Variants in RIC3 observed in about 807,000 individuals in gnomAD.
The protein encoded by RIC3 is RIC3 acetylcholine receptor chaperone.
In RIC3, 28 loss-of-function variants were observed where a neutral mutation model predicts 27.3. The observed-to-expected ratio is 1.02, with a 90% CI of 0.76 to 1.41. The LOEUF is 1.41. Among genes scored for constraint, RIC3 ranks in the 40% most tolerant of loss-of-function variants. The pLI, the probability that RIC3 is intolerant of heterozygous loss-of-function variation, is 0.00. For missense variants in RIC3, 501 were observed against 444.7 expected, an observed-to-expected ratio of 1.13 and a Z score of -1.14; for synonymous variants, 184 against 160.4, an observed-to-expected ratio of 1.15 and a Z score of -1.11.
At chr11:8,134,358 G>GTA (rs1363326258) in intron 4 of RIC3, among the ~76,000 whole-genome samples, 1 of 152,180 alleles carries the variant, frequency 6.6e-6, no homozygotes, top group African/African-American at 2.4e-5. Flanking sequence ...GTATTCCATG[G>GTA]TATATATGTG....
chr11:8,095,476 C>A, the RIC3 span: 1 of 1,593,922 alleles, frequency 6.3e-7, no homozygotes, highest in Middle Eastern at 2.1e-4. Flanking sequence ...GGATGTAACT[C>A]AGGCGTGTCC....
chr11:8,163,263 C>T (rs957368222), intron 1 of RIC3, among the ~76,000 whole-genome samples: 1 of 152,016 alleles, frequency 6.6e-6, no homozygotes, highest in Non-Finnish European at 1.5e-5. Flanking sequence ...ATGAAAAACA[C>T]TCAGCAAACT....
In RIC3 at chr11:8,169,023, G is replaced by GCCGGGA; in HGVS notation, c.-35_-34insTCCCGG. Reference sequence around the variant, plus strand: ...ACGGTGGTCGCAGGTGCAGACGCCAGCCGGAACCGGAACCGGAACCGGAGC... The same window carrying GCCGGGA: ...ACGGTGGTCGCAGGTGCAGACGCCAGCCGGGACCGGAACCGGAACCGGAACCGGAGC... On this transcript the variant is annotated 5_prime_UTR_variant, in exon 1 of 6. Transcript: ENST00000309737. The GCCGGGA allele has an allele frequency of 6.6e-7, 1 of 1,517,724 alleles. No homozygotes were observed. The highest frequency in any genetic ancestry group is 1.3e-5 in the South Asian group (1 of 79,700). The allele number at this position is 1,517,724 out of a possible 1,614,324, so 94.0% of individuals were successfully genotyped here.
chr11:8,128,167 T>G (rs533350701), intron 4 of RIC3: 3 of 456,978 alleles, frequency 6.6e-6, no homozygotes, highest in Non-Finnish European at 1.3e-5. Flanking sequence ...TTTCTTACTG[T>G]TAAAACAACC....
the RIC3 span, among the ~76,000 whole-genome samples, chr11:8,094,732 C>T: frequency 6.6e-6 from 1 of 152,348 alleles, no homozygotes; most frequent in South Asian, 2.1e-4. Context: ...CAGTGATTGG[C>T]GGTACCTGCC....
In RIC3 at chr11:8,108,807, G is replaced by C. The variant is rs1451473641; in HGVS notation, c.*1891C>G. ...GACTGCTAAATGAATGAATGAGCTA[G>C]AAGAGAACAGCAGTATTTATCTCTA... On this transcript the variant is annotated 3_prime_UTR_variant, in exon 6 of 6. Transcript: ENST00000309737. 1 of 152,224 alleles carries C rather than the reference G, an allele frequency of 6.6e-6. No homozygotes were observed. The highest frequency in any genetic ancestry group is 1.5e-5 in the Non-Finnish European group (1 of 68,042). The allele number at this position is 152,224 out of a possible 1,614,324, so 9.4% of individuals were successfully genotyped here.
At chr11:8,138,987 CT>C (rs1948728248) in intron 2 of RIC3, 1 of 153,660 alleles carries the variant, frequency 6.5e-6, no homozygotes, top group African/African-American at 2.4e-5. Context: ...ACCCTGTCTC[CT>C]TTGTTCGGTG....
At chr11:8,128,619 C>G (rs148430908) in intron 4 of RIC3, among the ~76,000 whole-genome samples, 33 of 152,206 alleles carry the variant, frequency 2.2e-4, no homozygotes, top group East Asian at 2.1e-3. Context: ...GACACAATGC[C>G]ATGATCACTG....
At chr11:8,147,324 A>G (rs1949795117) in intron 1 of RIC3, among the ~76,000 whole-genome samples, 1 of 152,178 alleles carries the variant, frequency 6.6e-6, no homozygotes, top group Non-Finnish European at 1.5e-5. Context: ...TCATGGGCGT[A>G]TGTCCTGAAC....
the RIC3 span, among the ~76,000 whole-genome samples, chr11:8,094,424 TG>T: frequency 6.6e-6 from 1 of 152,152 alleles, no homozygotes; most frequent in Non-Finnish European, 1.5e-5. Flanking sequence ...AGTGAAGTCC[TG>T]CTCAGCTGTG....
chr11:8,101,806 A>T, downstream of RIC3: 130 of 776,946 alleles, frequency 1.7e-4, no homozygotes, highest in Middle Eastern at 9.1e-4. Flanking sequence ...GCAGGGGAGT[A>T]GTGGAGAGCG....
downstream of RIC3, chr11:8,101,474 G>T (rs1454604858): frequency 2.5e-6 from 4 of 1,614,166 alleles, no homozygotes; most frequent in African/African-American, 2.7e-5. Flanking sequence ...CTGTGCCTGT[G>T]CTTGGCCCCA....
At chr11:8,146,639 C>T (rs1009932167) in intron 1 of RIC3, among the ~76,000 whole-genome samples, 1 of 151,632 alleles carries the variant, frequency 6.6e-6, no homozygotes, top group Admixed American at 6.6e-5. Context: ...GGTTAGGGTG[C>T]AGCTTGGTTT....
chr11:8,105,956 C>CCTAGA (rs1405153703), downstream of RIC3: 2 of 152,148 alleles, frequency 1.3e-5, no homozygotes, highest in Non-Finnish European at 2.9e-5. Flanking sequence ...TTTCACAATG[C>CCTAGA]CTAGACTGTG....
chr11:8,137,312 C>T (rs1948535675), intron 4 of RIC3, 66 bp downstream of exon 4: 2 of 1,472,226 alleles, frequency 1.4e-6, no homozygotes, highest in Admixed American at 3.4e-5. Context: ...GCCTCGGCCA[C>T]TGCACCCAGC....
chr11:8,098,712 G>A, the RIC3 span: 2 of 1,426,730 alleles, frequency 1.4e-6, no homozygotes, highest in Non-Finnish European at 2.0e-6. Context: ...TCCCTGCTCT[G>A]GGGCAGAGGG....
At chr11:8,122,580 A>G (rs2133541770) in intron 5 of RIC3, among the ~76,000 whole-genome samples, 1 of 152,312 alleles carries the variant, frequency 6.6e-6, no homozygotes, top group Admixed American at 6.5e-5. Context: ...GTTCATAGCT[A>G]CTTGAGTCAT....
chr11:8,120,420 C>G (rs1417445710), intron 5 of RIC3, among the ~76,000 whole-genome samples: 1 of 152,144 alleles, frequency 6.6e-6, no homozygotes, highest in Non-Finnish European at 1.5e-5. Flanking sequence ...AACCATCATT[C>G]TCAGTAAACT....
Position 8,126,674 on chromosome 11 carries a change from T to A in RIC3, c.655A>T (p.Met219Leu). ...CACTGTTTACCTTCCCAGTCCTCCA[T>A]GTAAGGGGCCTCCTCAGCTTCTTTC... ...PEKEAEEAPY[M>L]EDWEGYPEET... is the part of the protein sequence containing the mutation. The change falls in exon 5 of 6, where the codon ATG becomes TTG. Residue 219 changes from methionine (M) to leucine (L), a missense_variant. Met to Leu is a conservative substitution (Grantham distance 15, BLOSUM62 2). Coordinates refer to ENST00000309737, the MANE Select transcript of RIC3 (RefSeq NM_001206671.4). 1 of 1,614,098 alleles carries A rather than the reference T, an allele frequency of 6.2e-7. No homozygotes were observed. The highest frequency in any genetic ancestry group is 1.1e-5 in the South Asian group (1 of 91,084).
Sources: gnomAD v4.1 joint callset for allele counts (sites outside exome capture counted in the v4.1 genomes callset) on GRCh38, gnomAD v4.1.1 for gene constraint, MANE v1.5 for transcripts, NCBI Gene and HGNC (gene_info 2026-07-23, HGNC 2026-07-21) for gene names.